Variants in KLHL1 observed in about 807,000 individuals in gnomAD.
KLHL1 encodes the protein kelch like family member 1.
KLHL1 carries 47 observed loss-of-function variants against 77.7 expected under a neutral mutation model. The ratio of observed to expected loss-of-function variants is 0.60; its 90% CI spans 0.48 to 0.77. The LOEUF (loss-of-function observed/expected upper bound fraction) is 0.77, where lower values mean the gene tolerates loss of function less well. KLHL1 is among the 30% of genes least tolerant of loss of function. KLHL1 has a pLI of 0.00. For missense variants in KLHL1, 925 were observed against 910.8 expected (o/e 1.02, Z -0.20); for synonymous variants, 360 against 325.2 (o/e 1.11, Z -1.15).
chr13:69,996,257 C>T (rs1452819165), intron 1 of KLHL1, among the ~76,000 whole-genome samples: 14 of 151,620 alleles, frequency 9.2e-5, no homozygotes, highest in Non-Finnish European at 1.9e-4. Flanking sequence ...GAGCCAAGAT[C>T]GCACCATTGC....
intron 5 of KLHL1, among the ~76,000 whole-genome samples, chr13:69,840,832 A>G (rs894852845): frequency 9.3e-5 from 14 of 151,320 alleles, no homozygotes; most frequent in African/African-American, 3.4e-4. Flanking sequence ...ACAAGGGCCC[A>G]GTGGTGTTCA....
At chr13:69,834,158 G>A (rs1230091290) in intron 6 of KLHL1, among the ~76,000 whole-genome samples, 1 of 151,786 alleles carries the variant, frequency 6.6e-6, no homozygotes, top group Admixed American at 6.6e-5. Flanking sequence ...CAGGTGATGG[G>A]TGCACCAAAA....
At chr13:69,950,892 C>A (rs371917786) in intron 3 of KLHL1, among the ~76,000 whole-genome samples, 1 of 151,528 alleles carries the variant, frequency 6.6e-6, no homozygotes, top group South Asian at 2.1e-4. Flanking sequence ...AGCAACAGTT[C>A]TATAATTCGT....
chr13:69,985,210 T>C (rs369720894), intron 1 of KLHL1, among the ~76,000 whole-genome samples: 4 of 152,046 alleles, frequency 2.6e-5, no homozygotes, highest in Non-Finnish European at 5.9e-5. Context: ...GAGAAAATAT[T>C]TGCAAACTAT....
chr13:70,105,673 G>T (rs1472763062), intron 1 of KLHL1, among the ~76,000 whole-genome samples: 6 of 151,102 alleles, frequency 4.0e-5, no homozygotes, highest in East Asian at 2.0e-4. Context: ...CAACAAAAGG[G>T]TATAAAAATT....
intron 9 of KLHL1, among the ~76,000 whole-genome samples, chr13:69,716,819 CAAT>C (rs1349450437): frequency 6.6e-6 from 1 of 152,096 alleles, no homozygotes; most frequent in Non-Finnish European, 1.5e-5. Flanking sequence ...ACATGAAAAA[CAAT>C]AGTTGCTGAC....
At chr13:69,980,380 A>C (rs1393209418) in intron 1 of KLHL1, among the ~76,000 whole-genome samples, 1 of 152,002 alleles carries the variant, frequency 6.6e-6, no homozygotes, top group Admixed American at 6.6e-5. Context: ...CCAGTTCCTC[A>C]GTCTTCAATG....
At chr13:70,044,942 A>C (rs188589183) in intron 1 of KLHL1, among the ~76,000 whole-genome samples, 5 of 152,286 alleles carry the variant, frequency 3.3e-5, no homozygotes, top group Non-Finnish European at 7.4e-5. Flanking sequence ...TCACAGAATA[A>C]CCTTGGGAAA....
chr13:69,926,335 TA>T (rs1464616433), intron 4 of KLHL1, among the ~76,000 whole-genome samples: 3 of 152,176 alleles, frequency 2.0e-5, no homozygotes, highest in African/African-American at 7.2e-5. Flanking sequence ...GCCATGACTT[TA>T]AAAAAAATAA....
At chr13:69,818,073 A>G (rs113735296) in intron 6 of KLHL1, among the ~76,000 whole-genome samples, 5 of 152,224 alleles carry the variant, frequency 3.3e-5, no homozygotes, top group African/African-American at 1.2e-4. Flanking sequence ...AGTGAAGATA[A>G]GGCTGTAAAA....
chr13:69,915,623 C>A (rs1394236209), intron 4 of KLHL1, among the ~76,000 whole-genome samples: 1 of 152,140 alleles, frequency 6.6e-6, no homozygotes, highest in Non-Finnish European at 1.5e-5. Flanking sequence ...AATGTTAGAA[C>A]TGAAACCATA....
At chr13:69,855,343 G>GAGAGATCT (rs1948174802) in intron 5 of KLHL1, among the ~76,000 whole-genome samples, 1 of 78,806 alleles carries the variant, frequency 1.3e-5, no homozygotes, top group African/African-American at 6.4e-5. Flanking sequence ...TAGATAGATA[G>GAGAGATCT]ATAGACAGAC....
At chr13:69,702,816 G>A (rs563592334) in intron 10 of KLHL1, among the ~76,000 whole-genome samples, 3 of 151,696 alleles carry the variant, frequency 2.0e-5, no homozygotes, top group Admixed American at 6.6e-5. Context: ...TGCATAAAAT[G>A]AGAGTAGGGA....
chr13:70,043,310 A>C (rs1019984050), intron 1 of KLHL1, among the ~76,000 whole-genome samples: 1 of 152,190 alleles, frequency 6.6e-6, no homozygotes, highest in East Asian at 1.9e-4. Flanking sequence ...CAGCTGAACA[A>C]TGTGTATTTT....
At chr13:69,957,915 G>A (rs1883945166) in intron 3 of KLHL1, among the ~76,000 whole-genome samples, 1 of 151,710 alleles carries the variant, frequency 6.6e-6, no homozygotes, top group South Asian at 2.1e-4. Context: ...TCTAACACCA[G>A]TGTAAATTTT....
chr13:69,941,673 A>T (rs2138303741), intron 3 of KLHL1, among the ~76,000 whole-genome samples: 1 of 152,178 alleles, frequency 6.6e-6, no homozygotes, highest in East Asian at 1.9e-4. Flanking sequence ...AATGAACCAA[A>T]AAGCTGGTTC....
intron 1 of KLHL1, among the ~76,000 whole-genome samples, chr13:70,075,569 G>GTGTGTATATATATATA (rs761519216): frequency 1.9e-5 from 2 of 106,676 alleles, no homozygotes; most frequent in African/African-American, 7.3e-5. Context: ...GTGTGTATGT[G>GTGTGTATATATATATA]TATATATATA....
At chr13:69,943,320 TA>T (rs543306191) in intron 3 of KLHL1, among the ~76,000 whole-genome samples, 3 of 151,850 alleles carry the variant, frequency 2.0e-5, no homozygotes, top group African/African-American at 7.2e-5. Flanking sequence ...GGTTAATAGA[TA>T]AAAAAGACTA....
intron 2 of KLHL1, among the ~76,000 whole-genome samples, chr13:69,962,779 T>C (rs1252040880): frequency 1.1e-5 from 1 of 92,086 alleles, no homozygotes. Context: ...TAATCAAGGC[T>C]ATAGTAGCCT....
Sources: gnomAD v4.1 joint callset for allele counts (sites outside exome capture counted in the v4.1 genomes callset) on GRCh38, gnomAD v4.1.1 for gene constraint, MANE v1.5 for transcripts, NCBI Gene and HGNC (gene_info 2026-07-23, HGNC 2026-07-21) for gene names.